PBXIP1: variants seen among roughly 807,000 people sequenced by gnomAD.
PBXIP1 encodes the protein pre-B-cell leukemia transcription factor-interacting protein 1.
PBXIP1 carries 73 observed loss-of-function variants against 73.7 expected under a neutral mutation model. The observed-to-expected ratio is 0.99, with a 90% confidence interval of 0.82 to 1.20. The LOEUF (loss-of-function observed/expected upper bound fraction) is 1.20, where lower values mean the gene tolerates loss of function less well. PBXIP1 is among the 50% of genes most tolerant of loss of function. PBXIP1 has a pLI of 0.00. For missense variants in PBXIP1, 818 were observed against 911.4 expected, an observed-to-expected ratio of 0.90 and a Z score of 1.32; for synonymous variants, 330 against 366.9, an observed-to-expected ratio of 0.90 and a Z score of 1.15.
rs1310705124 is a variant in PBXIP1 at position 154,951,155 on chromosome 1, T to A, written c.409+77A>T. On this transcript the variant is annotated intron_variant, in intron 5 of 10. Coordinates refer to ENST00000368463, the MANE Select transcript of PBXIP1 (RefSeq NM_020524.4). This position sits in a 1 kb window ranked among gnomAD's most constrained non-coding sequence, Gnocchi z 4.3. ...GCCCTAGGGCCTGGACCACAGCATG[T>A]GCTCAGTAGTGATGGCTGATCCCTC... The A allele has an allele frequency of 7.4e-7, 1 of 1,351,784 alleles. No individual in the cohort carries two copies. The highest frequency in any genetic ancestry group is 2.3e-5 in the East Asian group (1 of 42,966). 83.7% of individuals were successfully genotyped at this position (1,351,784 alleles called of 1,614,324 possible).
Position 154,946,274 on chromosome 1 carries a change from T to A in PBXIP1, c.1400A>T (p.Gln467Leu). The change falls in exon 10 of 11, where the codon CAG (glutamine) becomes CTG (leucine). Residue 467 changes from glutamine (Q) to leucine (L), a missense_variant. Coordinates refer to ENST00000368463, the MANE Select transcript of PBXIP1 (RefSeq NM_020524.4). ...CTTTCCACTCCACTCCCTAGAATTC[T>A]GGAAGTGGGACTTCTGGTGCCAGGC... ...SKAWHQKSHF[Q>L]NSREWSGKEK... The A allele has an allele frequency of 6.2e-7, 1 of 1,614,178 alleles. No homozygotes were observed. Among genetic ancestry groups the A allele is most frequent in the Non-Finnish European group, 8.5e-7 (1 of 1,179,998 alleles).
rs541167380 is a variant in PBXIP1, at chr1:154,947,572, G to A, written c.739-24C>T. The A allele has an allele frequency of 2.2e-5, 36 of 1,603,512 alleles. No homozygotes were observed. The East Asian group carries it at 7.8e-4, about 35-fold the overall frequency. ...TCCTGAGGGCAGAAGAGCCTGTTATGCCATGCTACCCCACAGCCCAGGTTC... is the reference window on the plus strand; with the variant it reads ...TCCTGAGGGCAGAAGAGCCTGTTATACCATGCTACCCCACAGCCCAGGTTC... On this transcript the variant is annotated intron_variant, in intron 8 of 10. Transcript: ENST00000368463.
rs1430372085 is a variant in PBXIP1, at chr1:154,951,705, C to T, written c.178+90G>A. ...GATTAATGGAGGAACTAAAACGAAC[C>T]AGCCTCCCTTTCTCTGAGGAAACTG... On this transcript the variant is annotated intron_variant, in intron 3 of 10. Transcript: ENST00000368463. This position sits in a 1 kb window ranked among gnomAD's most constrained non-coding sequence, Gnocchi z 4.3. 1 of 1,500,014 alleles carries T rather than the reference C, an allele frequency of 6.7e-7. No individual in the cohort carries two copies. Among genetic ancestry groups the T allele is most frequent in the East Asian group, 2.3e-5 (1 of 44,388 alleles). 92.9% of individuals were successfully genotyped at this position (1,500,014 alleles called of 1,614,324 possible).
chr1:154,954,835 T>G (rs1351365054), intron 1 of PBXIP1: 2 of 275,610 alleles, frequency 7.3e-6, no homozygotes, highest in African/African-American at 4.6e-5. Context: ...ATAGATGAGC[T>G]GACCTCTCAA....
Position 154,946,709 on chromosome 1 carries a change from G to C in PBXIP1, c.965C>G (p.Ala322Gly). Reference sequence around the variant, plus strand: ...CTCTGACTCCAGAGCCCGCTGGAAGGCTTCGCCCTGCTGCAGAGCCCCCCG... The same window carrying C: ...CTCTGACTCCAGAGCCCGCTGGAAGCCTTCGCCCTGCTGCAGAGCCCCCCG... ...QLRGALQQGE[A>G]FQRALESELQ... The change falls in exon 10 of 11, where the codon GCC (alanine) becomes GGC (glycine). Residue 322 changes from alanine to glycine, a missense_variant. Physicochemically the swap from Ala to Gly is moderately conservative, Grantham distance 60. Coordinates refer to ENST00000368463, the MANE Select transcript of PBXIP1 (RefSeq NM_020524.4). 6.2e-7 allele frequency: 1 copy of C among 1,610,632 alleles called. No homozygotes were observed. The highest frequency in any genetic ancestry group is 8.5e-7 in the Non-Finnish European group (1 of 1,177,592).
intron 2 of PBXIP1, among the ~76,000 whole-genome samples, chr1:154,953,376 T>A (rs139194652): frequency 9.3e-4 from 141 of 152,190 alleles, no homozygotes; most frequent in Middle Eastern, 6.8e-3. Context: ...AGCATGGCGT[T>A]CCCCACTATC....
chr1:154,948,266 A>C lies in PBXIP1; in HGVS notation c.510T>G (p.Pro170=). The change falls in exon 6 of 11, where the codon CCT becomes CCG. Residue 170 remains proline (P), a synonymous_variant. Coordinates refer to ENST00000368463, the MANE Select transcript of PBXIP1 (RefSeq NM_020524.4). ...CCACAGCCAGGGGCACCATGGGCTGAGGTGGGCCGGCCTCCCGGCCCCGCC... is the reference window on the plus strand; with the variant it reads ...CCACAGCCAGGGGCACCATGGGCTGCGGTGGGCCGGCCTCCCGGCCCCGCC... ...RRRRGREAGP[P]QPMVPLAVEN... is the part of the protein sequence containing the mutation. 6.2e-7 allele frequency: 1 copy of C among 1,611,632 alleles called. No homozygotes were observed. The highest frequency in any genetic ancestry group is 8.5e-7 in the Non-Finnish European group (1 of 1,179,148).
chr1:154,946,191 CCTT>C lies in PBXIP1; in HGVS notation c.1480_1482del (p.Lys494del). 2.5e-6 allele frequency: 4 copies of C among 1,614,174 alleles called. No homozygotes were observed. The highest frequency in any genetic ancestry group is 2.5e-6 in the Non-Finnish European group (3 of 1,180,036). ...TTCTTCCTTTCCCGGCCAGATTCTTCCTTCTTATGTTTCCAGTGCTCAGCCTTC... is the reference window on the plus strand; with the variant it reads ...TTCTTCCTTTCCCGGCCAGATTCTTCCTTATGTTTCCAGTGCTCAGCCTTC... On this transcript the variant is annotated inframe_deletion, in exon 10 of 11. Transcript: ENST00000368463.
Position 154,948,226 on chromosome 1 carries a change from C to A in PBXIP1, c.550G>T (p.Gly184Cys), listed in dbSNP as rs757286913. The A allele has an allele frequency of 3.7e-6, 6 of 1,612,710 alleles. No individual in the cohort carries two copies. The Admixed American group carries it at 8.4e-5, about 22-fold the overall frequency. The change falls in exon 6 of 11, where the codon GGT becomes TGT. Residue 184 changes from glycine (G) to cysteine (C), a missense_variant. By Grantham distance (159) the Gly-to-Cys change is radical. Transcript: ENST00000368463. ...VPLAVENQAG[G>C]EGAGGELGIS... ...CCCAGCTCCCCGCCTGCACCCTCAC[C>A]CCCAGCCTGGTTCTCCACAGCCAGG...
intron 7 of PBXIP1, 130 bp from the exon 8 acceptor site, chr1:154,947,842 A>G: frequency 7.4e-7 from 1 of 1,352,940 alleles, no homozygotes; most frequent in Non-Finnish European, 1.0e-6. Context: ...GGTGAGATAA[A>G]GGGCCAAGGG....
Position 154,951,320 on chromosome 1 carries a change from C to A in PBXIP1, c.321G>T (p.Glu107Asp). Residue 107 changes from glutamate to aspartate, a missense_variant, in exon 5 of 11, where the codon GAG (glutamate) becomes GAT (aspartate). By Grantham distance (45) the Glu-to-Asp change is conservative. Coordinates refer to ENST00000368463, the MANE Select transcript of PBXIP1 (RefSeq NM_020524.4). This position sits in a 1 kb window ranked among gnomAD's most constrained non-coding sequence, Gnocchi z 4.3. ...GDTVVQGDLQ[E>D]TTVVTGLGPD... ...GTCCCAGGCCTGTCACCACGGTGGTCTCCTGCAGGTCTCCCTGGACTACTG... is the reference window on the plus strand; with the variant it reads ...GTCCCAGGCCTGTCACCACGGTGGTATCCTGCAGGTCTCCCTGGACTACTG... The A allele has an allele frequency of 6.2e-7, 1 of 1,614,174 alleles. No individual in the cohort carries two copies. Among genetic ancestry groups the A allele is most frequent in the Non-Finnish European group, 8.5e-7 (1 of 1,179,992 alleles).
chr1:154,946,413 G>C lies in PBXIP1; in HGVS notation c.1261C>G (p.Arg421Gly). ...AAGCCAGCATGAGCTGGGTCCCCGC[G>C]GCTGGCATCCTGCAAGCTCCTCTCC... The part of the protein sequence containing the change: ...DLERSLQDAS[R>G]GDPAHAGLAE... The change falls in exon 10 of 11, where the codon CGC becomes GGC. Residue 421 changes from arginine (R) to glycine (G), a missense_variant. Physicochemically the swap from Arg to Gly is moderately radical, Grantham distance 125. Coordinates refer to ENST00000368463, the MANE Select transcript of PBXIP1 (RefSeq NM_020524.4). 1 of 1,611,140 alleles carries C rather than the reference G, an allele frequency of 6.2e-7. No homozygotes were observed. Among genetic ancestry groups the C allele is most frequent in the Non-Finnish European group, 8.5e-7 (1 of 1,179,846 alleles).
At chr1:154,950,665 T>A (rs780375198) in intron 5 of PBXIP1, among the ~76,000 whole-genome samples, 4 of 152,268 alleles carry the variant, frequency 2.6e-5, no homozygotes, top group African/African-American at 4.8e-5. Flanking sequence ...TGCTGCAGCC[T>A]TGGCCTAAAA....
Position 154,944,988 on chromosome 1 carries a change from G to A in PBXIP1, c.*36C>T, listed in dbSNP as rs1408454733. 2 of 1,549,676 alleles carry A rather than the reference G, an allele frequency of 1.3e-6. No homozygotes were observed. The highest frequency in any genetic ancestry group is 1.7e-5 in the Admixed American group (1 of 59,808). On this transcript the variant is annotated 3_prime_UTR_variant, in exon 11 of 11. Transcript: ENST00000368463. ...TTAGATAACGCTGGGATCTTGGGCT[G>A]GGCCAGGCCAAGGCCATTCCCTGTG...
At chr1:154,953,800 A>C (rs1655088675) in intron 1 of PBXIP1, 43 bp from the exon 2 acceptor site, 1 of 1,319,766 alleles carries the variant, frequency 7.6e-7, no homozygotes, top group African/African-American at 1.4e-5. Context: ...TCCCTTCAGG[A>C]GGGGCAGAAT....
intron 2 of PBXIP1, among the ~76,000 whole-genome samples, chr1:154,952,426 C>A (rs1328851829): frequency 1.3e-5 from 2 of 152,072 alleles, no homozygotes; most frequent in Non-Finnish European, 2.9e-5. Flanking sequence ...CGTCTCCCAG[C>A]AGCTGCTCAC....
In PBXIP1 at chr1:154,950,957, G is replaced by C. The variant is rs75238132; in HGVS notation, c.409+275C>G. 5.7e-3 allele frequency among the ~76,000 whole-genome samples: 862 copies of C among 152,368 alleles called. 7 individuals are homozygous for C. The highest frequency in any genetic ancestry group is 0.019 in the African/African-American group (801 of 41,594). On this transcript the variant is annotated intron_variant, in intron 5 of 10. Transcript: ENST00000368463. ...CACAAGGAAGGGACTCCAGAAATGAGGGTTGAATTCTGGAAGCAAGAAAAG... is the reference window on the plus strand; with the variant it reads ...CACAAGGAAGGGACTCCAGAAATGACGGTTGAATTCTGGAAGCAAGAAAAG...
Position 154,947,604 on chromosome 1 carries a change from G to A in PBXIP1, c.738+38C>T, listed in dbSNP as rs374459489. ...TACCCCACAGCCCAGGTTCTCCCCA[G>A]CCAGGCCCCACCTGCCTCTGGAGAC... On this transcript the variant is annotated intron_variant, in intron 8 of 10. Transcript: ENST00000368463. 33 of 1,610,146 alleles carry A rather than the reference G, an allele frequency of 2.0e-5. No individual in the cohort carries two copies. The African/African-American group carries it at 4.3e-4, about 21-fold the overall frequency.
In PBXIP1 at chr1:154,945,924, C is replaced by G; in HGVS notation, c.1750G>C (p.Ala584Pro). The G allele has an allele frequency of 6.2e-7, 1 of 1,614,182 alleles. No homozygotes were observed. Among genetic ancestry groups the G allele is most frequent in the East Asian group, 2.2e-5 (1 of 44,888 alleles). Residue 584 changes from alanine to proline, a missense_variant, in exon 10 of 11, where the codon GCA (alanine) becomes CCA (proline). Coordinates refer to ENST00000368463, the MANE Select transcript of PBXIP1 (RefSeq NM_020524.4). ...TCCACACCTGAGCAGCCCTGGGGTG[C>G]CCGGTACTTGGGCCTCAACAGCTCT... ...WAELLRPKYR[A>P]PQGCSGVDEC...
Sources: allele counts gnomAD v4.1 joint callset (sites outside exome capture counted in the v4.1 genomes callset), GRCh38; gene constraint gnomAD v4.1.1; non-coding constraint Gnocchi (gnomAD v3.1); transcripts MANE v1.5; gene names NCBI Gene and HGNC (gene_info 2026-07-23, HGNC 2026-07-21).